Variants in KCNG3 observed in about 807,000 individuals in gnomAD.
KCNG3 encodes the protein potassium voltage-gated channel modifier subfamily G member 3.
KCNG3 carries 15 observed loss-of-function variants against 29.0 expected under a neutral mutation model. The ratio of observed to expected loss-of-function variants is 0.52; its 90% CI spans 0.35 to 0.80. KCNG3 has a LOEUF of 0.80. Among genes scored for constraint, KCNG3 ranks in the 30% least tolerant of loss-of-function variants. The pLI is 0.01. For synonymous variants in KCNG3, 322 were observed against 248.9 expected (o/e 1.29, Z -2.76); for missense variants, 512 against 605.7 (o/e 0.85, Z 1.62).
chr2:42,479,690 A>T lies in KCNG3; in HGVS notation c.665+13147T>A, dbSNP rs1046947860. 4.6e-5 allele frequency among the ~76,000 whole-genome samples: 7 copies of T among 151,690 alleles called. 1 individual carries two copies. Among genetic ancestry groups the T allele is most frequent in the Admixed American group, 4.6e-4 (7 of 15,202 alleles). On this transcript the variant is annotated intron_variant, in intron 1 of 1. Transcript: ENST00000306078. Reference sequence around the variant, plus strand: ...GAAAAATAAAGAAAAAAAGAGTGGCATAAATGAGGCTTAAGCATCTCTGAA... The same window carrying T: ...GAAAAATAAAGAAAAAAAGAGTGGCTTAAATGAGGCTTAAGCATCTCTGAA...
chr2:42,401,220 T>A, the KCNG3 span, among the ~76,000 whole-genome samples: 1 of 149,830 alleles, frequency 6.7e-6, no homozygotes, highest in African/African-American at 2.4e-5. Flanking sequence ...ATATATAATA[T>A]ATACACATAT....
chr2:42,426,390 A>G, the KCNG3 span, among the ~76,000 whole-genome samples: 92 of 152,370 alleles, frequency 6.0e-4, no homozygotes, highest in Non-Finnish European at 1.1e-3. Flanking sequence ...TGATAATACA[A>G]TCTTTTCTAT....
chr2:42,418,462 T>C, the KCNG3 span, among the ~76,000 whole-genome samples: 519 of 152,286 alleles, frequency 3.4e-3, 5 homozygotes, highest in African/African-American at 0.012. Context: ...CCACAACCAG[T>C]GGATGCCTGT....
the KCNG3 span, among the ~76,000 whole-genome samples, chr2:42,399,479 T>C: frequency 2.0e-5 from 3 of 152,336 alleles, 1 homozygote; most frequent in South Asian, 4.1e-4. Context: ...GCTACTGACA[T>C]GTTATATAGC....
the KCNG3 span, among the ~76,000 whole-genome samples, chr2:42,419,560 G>T: frequency 2.0e-5 from 3 of 151,738 alleles, no homozygotes; most frequent in African/African-American, 7.3e-5. Flanking sequence ...GCCCTCAGAT[G>T]GTATTTCTTA....
At chr2:42,465,599 T>G (rs1278381793) in intron 1 of KCNG3, among the ~76,000 whole-genome samples, 1 of 152,156 alleles carries the variant, frequency 6.6e-6, no homozygotes, top group Admixed American at 6.6e-5. Flanking sequence ...GCACAAAAAG[T>G]AGTAATCATG....
At chr2:42,472,594 G>A (rs1294817645) in intron 1 of KCNG3, among the ~76,000 whole-genome samples, 3 of 151,378 alleles carry the variant, frequency 2.0e-5, no homozygotes, top group Non-Finnish European at 4.4e-5. Flanking sequence ...CTCTCTCCTG[G>A]GTTCCAGCGA....
At chr2:42,485,151 G>T (rs931703649) in intron 1 of KCNG3, among the ~76,000 whole-genome samples, 8 of 151,942 alleles carry the variant, frequency 5.3e-5, no homozygotes, top group African/African-American at 1.9e-4. Flanking sequence ...AATAACACAA[G>T]AAATTTTAAC....
At chr2:42,468,204 G>A (rs563202139) in intron 1 of KCNG3, among the ~76,000 whole-genome samples, 2 of 152,080 alleles carry the variant, frequency 1.3e-5, no homozygotes, top group South Asian at 4.1e-4. Flanking sequence ...GCAAGACAAA[G>A]GTATTATAAA....
intron 1 of KCNG3, among the ~76,000 whole-genome samples, chr2:42,485,399 T>C (rs890772511): frequency 2.6e-5 from 4 of 151,968 alleles, no homozygotes; most frequent in African/African-American, 9.7e-5. Flanking sequence ...CACTACTTTA[T>C]GTCTGACCTT....
chr2:42,399,330 A>G, the KCNG3 span, among the ~76,000 whole-genome samples: 7 of 151,928 alleles, frequency 4.6e-5, no homozygotes, highest in African/African-American at 1.7e-4. Flanking sequence ...AAGTGCTGGG[A>G]TTACAGGCGT....
chr2:42,434,798 T>C, the KCNG3 span, among the ~76,000 whole-genome samples: 4 of 151,422 alleles, frequency 2.6e-5, no homozygotes, highest in Non-Finnish European at 5.9e-5. Flanking sequence ...GAATTGAGAA[T>C]CTAGAAATAA....
At chr2:42,422,211 G>C in the KCNG3 span, among the ~76,000 whole-genome samples, 1 of 152,168 alleles carries the variant, frequency 6.6e-6, no homozygotes, top group Non-Finnish European at 1.5e-5. Context: ...GTGTTGAGAG[G>C]TGGGACCTTT....
At chr2:42,435,718 G>A in the KCNG3 span, among the ~76,000 whole-genome samples, 2 of 152,126 alleles carry the variant, frequency 1.3e-5, no homozygotes, top group Non-Finnish European at 2.9e-5. Flanking sequence ...CACTGTGACG[G>A]CTATTATTTT....
chr2:42,425,957 T>C, the KCNG3 span, among the ~76,000 whole-genome samples: 2 of 152,230 alleles, frequency 1.3e-5, no homozygotes, highest in Admixed American at 1.3e-4. Flanking sequence ...GATAGTAGCA[T>C]GTATTTAGTA....
intron 1 of KCNG3, among the ~76,000 whole-genome samples, chr2:42,481,631 A>G (rs1441809781): frequency 1.3e-5 from 2 of 152,172 alleles, no homozygotes; most frequent in Non-Finnish European, 2.9e-5. Context: ...TAGTTGGTGC[A>G]TCTATAAGGC....
rs1324554022 is a variant in KCNG3 at position 42,493,349 on chromosome 2, G to A, written c.153C>T (p.Cys51=). The change falls in exon 1 of 2, where the codon TGC becomes TGT. Residue 51 remains cysteine, a synonymous_variant. Transcript: ENST00000306078. The stretch of plus-strand genomic sequence containing the variant: ...CGTTGCGCTCGCGGTCGTAGTCGTC[G>A]CACACCTCGAGCACGTCGCGCTCGG... ...CRSERDVLEV[C]DDYDRERNEY... is the part of the protein sequence containing the mutation. The A allele has an allele frequency of 5.6e-6, 9 of 1,593,382 alleles. No homozygotes were observed. The highest frequency in any genetic ancestry group is 1.7e-4 in the Middle Eastern group (1 of 6,034).
chr2:42,432,238 TCAA>T, the KCNG3 span, among the ~76,000 whole-genome samples: 2 of 152,152 alleles, frequency 1.3e-5, no homozygotes, highest in Admixed American at 6.5e-5. Flanking sequence ...GGATTAAAAT[TCAA>T]CAACAACAAC....
At chr2:42,403,688 C>G in the KCNG3 span, among the ~76,000 whole-genome samples, 4 of 149,026 alleles carry the variant, frequency 2.7e-5, no homozygotes, top group Non-Finnish European at 4.4e-5. Flanking sequence ...TGGTTTTGAA[C>G]TCCTGATCTC....
Sources: gnomAD v4.1 joint callset for allele counts (sites outside exome capture counted in the v4.1 genomes callset) on GRCh38, gnomAD v4.1.1 for gene constraint, MANE v1.5 for transcripts, NCBI Gene and HGNC (gene_info 2026-07-23, HGNC 2026-07-21) for gene names.